Variants in TRPC4 observed in about 807,000 individuals in gnomAD.
The protein encoded by TRPC4 is short transient receptor potential channel 4.
In TRPC4, 49 loss-of-function variants were observed where a neutral mutation model predicts 99.4. The observed-to-expected ratio is 0.49, with a 90% CI of 0.39 to 0.63. TRPC4 has a LOEUF of 0.63. Among genes scored for constraint, TRPC4 ranks in the 20% least tolerant of loss-of-function variants. The pLI is 0.00. For missense variants in TRPC4, 898 were observed against 1,152.9 expected, an observed-to-expected ratio of 0.78 and a Z score of 3.20; for synonymous variants, 454 against 425.9, an observed-to-expected ratio of 1.07 and a Z score of -0.81.
At chr13:37,745,226 G>A (rs931784530) in intron 3 of TRPC4, among the ~76,000 whole-genome samples, 25 of 151,558 alleles carry the variant, frequency 1.6e-4, no homozygotes, top group Non-Finnish European at 2.5e-4. Context: ...TGGGGGATTG[G>A]TTCCAGGACC....
At chr13:37,652,496 G>A (rs1952080556) in intron 7 of TRPC4, among the ~76,000 whole-genome samples, 1 of 152,198 alleles carries the variant, frequency 6.6e-6, no homozygotes, top group Non-Finnish European at 1.5e-5. Flanking sequence ...AGAATGCATG[G>A]CCTTATTGCT....
At chr13:37,785,718 TTATTAATAA>T (rs1321444175) in intron 1 of TRPC4, among the ~76,000 whole-genome samples, 1 of 152,072 alleles carries the variant, frequency 6.6e-6, no homozygotes, top group Non-Finnish European at 1.5e-5. Context: ...TTAGTTAATT[TTATTAATAA>T]TACTATCAAA....
intron 3 of TRPC4, among the ~76,000 whole-genome samples, chr13:37,704,492 G>T (rs542231367): frequency 1.8e-4 from 28 of 152,156 alleles, no homozygotes; most frequent in Admixed American, 7.9e-4. Context: ...TTTGAGACCA[G>T]CCTGGCCAAT....
chr13:37,753,212 A>G (rs950601121), intron 2 of TRPC4, among the ~76,000 whole-genome samples: 1 of 152,132 alleles, frequency 6.6e-6, no homozygotes, highest in African/African-American at 2.4e-5. Flanking sequence ...GACATGAGAG[A>G]TACATTTATA....
intron 1 of TRPC4, among the ~76,000 whole-genome samples, chr13:37,832,431 C>T (rs193136800): frequency 6.5e-4 from 99 of 152,090 alleles, no homozygotes; most frequent in African/African-American, 2.3e-3. Flanking sequence ...CCCAGCTACT[C>T]AGGAGGCTGA....
At chr13:37,666,841 C>A (rs1044962956) in intron 5 of TRPC4, among the ~76,000 whole-genome samples, 1 of 152,092 alleles carries the variant, frequency 6.6e-6, no homozygotes, top group African/African-American at 2.4e-5. Flanking sequence ...TTTCAAGCTT[C>A]CTCTCTTCTC....
intron 2 of TRPC4, among the ~76,000 whole-genome samples, chr13:37,753,177 A>G (rs1955984910): frequency 6.6e-6 from 1 of 152,122 alleles, no homozygotes. Context: ...AAACAGTTAT[A>G]AGAAAATGAC....
chr13:37,820,826 A>G (rs1957988820), intron 1 of TRPC4, among the ~76,000 whole-genome samples: 1 of 152,078 alleles, frequency 6.6e-6, no homozygotes, highest in Non-Finnish European at 1.5e-5. Flanking sequence ...CACAGCAAAC[A>G]TTATACTGAA....
intron 3 of TRPC4, among the ~76,000 whole-genome samples, chr13:37,711,548 AT>A (rs1954486063): frequency 1.3e-5 from 2 of 152,052 alleles, no homozygotes; most frequent in Non-Finnish European, 2.9e-5. Context: ...CAAAATGTGA[AT>A]AAATTTGAAG....
chr13:37,855,296 G>GATATATATATATATATAT (rs139637183), intron 1 of TRPC4, among the ~76,000 whole-genome samples: 2 of 140,440 alleles, frequency 1.4e-5, no homozygotes, highest in African/African-American at 5.3e-5. Flanking sequence ...ATACAATGTA[G>GATATATATATATATATAT]ATATATATAT....
chr13:37,818,088 C>A (rs75856343), intron 1 of TRPC4, among the ~76,000 whole-genome samples: 9 of 151,632 alleles, frequency 5.9e-5, no homozygotes, highest in African/African-American at 1.5e-4. Flanking sequence ...TGATTAATAG[C>A]GTGAACAGAC....
intron 1 of TRPC4, among the ~76,000 whole-genome samples, chr13:37,808,246 G>A (rs776152574): frequency 6.6e-6 from 1 of 152,008 alleles, no homozygotes; most frequent in Non-Finnish European, 1.5e-5. Context: ...AAGTTGAAAA[G>A]GAATGAAATT....
intron 3 of TRPC4, among the ~76,000 whole-genome samples, chr13:37,721,636 A>G (rs1048757586): frequency 1.5e-4 from 23 of 152,172 alleles, no homozygotes; most frequent in African/African-American, 4.3e-4. Context: ...ATGTTCGAAG[A>G]TTGTTTAACT....
In TRPC4 at chr13:37,746,457, T is replaced by A; in HGVS notation, c.379-2A>T. 4.5e-6 allele frequency: 6 copies of A among 1,343,114 alleles called. No individual in the cohort carries two copies. The highest frequency in any genetic ancestry group is 4.4e-5 in the Admixed American group (2 of 45,936). 83.2% of individuals were successfully genotyped at this position (1,343,114 alleles called of 1,614,324 possible). ...CTTATCAAGGAGTATAGGAGGCACCTAAAAAAAAAAAAGGCAGAGGTGATG... is the reference window on the plus strand; with the variant it reads ...CTTATCAAGGAGTATAGGAGGCACCAAAAAAAAAAAAAGGCAGAGGTGATG... On this transcript the variant is annotated splice_acceptor_variant, in intron 2 of 10. Transcript: ENST00000379705. LOFTEE classifies it high-confidence loss of function.
In TRPC4 at chr13:37,660,296, T is replaced by TTAA. The variant is rs577018767; in HGVS notation, c.1688+3117_1688+3119dup. Among the ~76,000 whole-genome samples, 379 of 152,276 alleles carry TTAA rather than the reference T, an allele frequency of 2.5e-3. 1 individual carries two copies. Among genetic ancestry groups the TTAA allele is most frequent in the South Asian group, 6.8e-3 (33 of 4,820 alleles). ...GGCAAGATTTCCAGAAATGGAAGTG[T>TTAA]TAAACAGGGTCAAATGAAGCAGACA... On this transcript the variant is annotated intron_variant, in intron 6 of 10. Coordinates refer to ENST00000379705, the MANE Select transcript of TRPC4 (RefSeq NM_016179.4).
chr13:37,761,736 C>G (rs1380196535), intron 2 of TRPC4, among the ~76,000 whole-genome samples: 1 of 151,796 alleles, frequency 6.6e-6, no homozygotes, highest in Non-Finnish European at 1.5e-5. Context: ...GGAGCAAGAC[C>G]AGAAAACTGT....
rs79986434 is a variant in TRPC4, at chr13:37,833,298, G to T, written c.-28+36297C>A. Reference sequence around the variant, plus strand: ...TTTCTTAACTCATCATTGAACTCATGATTTATGAGCTCAGTTATAGAAAAA... The same window carrying T: ...TTTCTTAACTCATCATTGAACTCATTATTTATGAGCTCAGTTATAGAAAAA... On this transcript the variant is annotated intron_variant, in intron 1 of 10. Coordinates refer to ENST00000379705, the MANE Select transcript of TRPC4 (RefSeq NM_016179.4). Among the ~76,000 whole-genome samples, 1,357 of 151,948 alleles carry T rather than the reference G, an allele frequency of 8.9e-3. 35 individuals are homozygous for T. The East Asian group carries it at 0.1, about 11-fold the overall frequency.
Position 37,692,341 on chromosome 13 carries a change from C to G in TRPC4, c.898-6G>C. 6.2e-7 allele frequency: 1 copy of G among 1,606,826 alleles called. No homozygotes were observed. The highest frequency in any genetic ancestry group is 1.1e-5 in the South Asian group (1 of 90,490). ...CAATTGGGCTGGGCAACAAACTAAA[C>G]AGAAGGGAAAGGAAAAGGAAAAATA... On this transcript the variant is annotated splice_polypyrimidine_tract_variant and splice_region_variant and intron_variant, in intron 3 of 10. Coordinates refer to ENST00000379705, the MANE Select transcript of TRPC4 (RefSeq NM_016179.4).
chr13:37,825,867 G>A (rs987736621), intron 1 of TRPC4, among the ~76,000 whole-genome samples: 8 of 151,214 alleles, frequency 5.3e-5, no homozygotes, highest in South Asian at 2.1e-4. Flanking sequence ...AATGTTGACA[G>A]TGGGGTGTTA....
Sources: gnomAD v4.1 joint callset for allele counts (sites outside exome capture counted in the v4.1 genomes callset) on GRCh38, gnomAD v4.1.1 for gene constraint, MANE v1.5 for transcripts, NCBI Gene and HGNC (gene_info 2026-07-23, HGNC 2026-07-21) for gene names.